HSF2BP: variants seen among roughly 807,000 people sequenced by gnomAD.
The protein encoded by HSF2BP is heat shock factor 2-binding protein.
In HSF2BP, 35 loss-of-function variants were observed where a neutral mutation model predicts 35.0. The observed-to-expected ratio is 1.00, with a 90% CI of 0.76 to 1.32. The LOEUF (loss-of-function observed/expected upper bound fraction) is 1.32. HSF2BP is among the 40% of genes most tolerant of loss of function. The pLI, the probability that HSF2BP is intolerant of heterozygous loss-of-function variation, is 0.00. For synonymous variants in HSF2BP, 114 were observed against 117.4 expected, an observed-to-expected ratio of 0.97 and a Z score of 0.18; for missense variants, 326 against 321.7, an observed-to-expected ratio of 1.01 and a Z score of -0.10.
At chr21:43,645,254 C>T (rs888079734) in intron 3 of HSF2BP, among the ~76,000 whole-genome samples, 1 of 152,140 alleles carries the variant, frequency 6.6e-6, no homozygotes, top group African/African-American at 2.4e-5. Flanking sequence ...ACATCAGAAT[C>T]CCTGGAGGAC....
intron 3 of HSF2BP, 103 bp from the exon 4 acceptor site, chr21:43,644,495 C>G (rs1265191986): frequency 1.2e-6 from 1 of 800,608 alleles, no homozygotes. Flanking sequence ...GTACTGATTT[C>G]TTAGGTGAGA....
At chr21:43,601,597 G>A (rs934211676) in intron 7 of HSF2BP, among the ~76,000 whole-genome samples, 1 of 152,262 alleles carries the variant, frequency 6.6e-6, no homozygotes, top group Admixed American at 6.5e-5. Flanking sequence ...ATGCCTTTCA[G>A]AAGAGCCGAT....
chr21:43,586,343 T>C (rs541646120), intron 8 of HSF2BP, among the ~76,000 whole-genome samples: 4 of 152,328 alleles, frequency 2.6e-5, no homozygotes, highest in South Asian at 2.1e-4. Context: ...GGATGATTAA[T>C]AGCAACTGGT....
the HSF2BP span, among the ~76,000 whole-genome samples, chr21:43,467,472 T>G: frequency 1.8e-5 from 2 of 111,300 alleles, no homozygotes; most frequent in African/African-American, 7.4e-5. Flanking sequence ...TGGCATTTCT[T>G]CTTAGCCAAA....
At chr21:43,650,351 C>A (rs748735843) in intron 3 of HSF2BP, among the ~76,000 whole-genome samples, 13 of 151,932 alleles carry the variant, frequency 8.6e-5, no homozygotes, top group Non-Finnish European at 1.9e-4. Context: ...GGACTACAGG[C>A]GCCCGCCACC....
chr21:43,657,948 T>C, intron 2 of HSF2BP, 113 bp downstream of exon 2: 2 of 1,513,332 alleles, frequency 1.3e-6, no homozygotes, highest in South Asian at 1.2e-5. Flanking sequence ...GTCTCCAGGC[T>C]TCCCCCAAGC....
chr21:43,636,007 C>T (rs1289389703), intron 4 of HSF2BP, among the ~76,000 whole-genome samples: 2 of 144,926 alleles, frequency 1.4e-5, no homozygotes, highest in Non-Finnish European at 3.0e-5. Context: ...ACGGGAGGAT[C>T]GAGACCATCC....
intron 8 of HSF2BP, among the ~76,000 whole-genome samples, chr21:43,591,263 A>C (rs2081922412): frequency 6.6e-6 from 1 of 152,196 alleles, no homozygotes; most frequent in South Asian, 2.1e-4. Context: ...AGAAATTTTA[A>C]AACACACACA....
chr21:43,605,255 CCACATCACACACCACAGATCACACA>C (rs1198221276), intron 7 of HSF2BP, among the ~76,000 whole-genome samples: 1 of 146,924 alleles, frequency 6.8e-6, no homozygotes, highest in Non-Finnish European at 1.5e-5. Flanking sequence ...CACCACGCAC[CCACATCACACACCACAGATCACACA>C]CACATCACAC....
At chr21:43,642,477 C>G (rs2082649763) in intron 4 of HSF2BP, among the ~76,000 whole-genome samples, 1 of 152,124 alleles carries the variant, frequency 6.6e-6, no homozygotes, top group African/African-American at 2.4e-5. Flanking sequence ...AGAGAAATGG[C>G]CTTGTTACAG....
At chr21:43,628,969 C>A (rs1232065716) in intron 6 of HSF2BP, among the ~76,000 whole-genome samples, 1 of 152,188 alleles carries the variant, frequency 6.6e-6, no homozygotes, top group East Asian at 1.9e-4. Context: ...ACTGTTGAGA[C>A]CTACTGCTCA....
intron 5 of HSF2BP, among the ~76,000 whole-genome samples, chr21:43,632,520 G>T (rs1225451538): frequency 6.6e-6 from 1 of 151,126 alleles, no homozygotes; most frequent in Non-Finnish European, 1.5e-5. Flanking sequence ...GAAAACAAGG[G>T]TTTGAACTGC....
At chr21:43,609,621 A>ATAT (rs2082178270) in intron 7 of HSF2BP, among the ~76,000 whole-genome samples, 3 of 152,070 alleles carry the variant, frequency 2.0e-5, no homozygotes, top group Admixed American at 6.5e-5. Flanking sequence ...AGGCTGATTT[A>ATAT]TAGTATGAGA....
chr21:43,467,756 ACCCACACACC>A, the HSF2BP span, among the ~76,000 whole-genome samples: 159 of 71,274 alleles, frequency 2.2e-3, no homozygotes, highest in Middle Eastern at 8.9e-3. Flanking sequence ...CACACCACAC[ACCCACACACC>A]ACACACACCA....
At chr21:43,575,597 C>A (rs564988431) in intron 8 of HSF2BP, among the ~76,000 whole-genome samples, 1 of 152,210 alleles carries the variant, frequency 6.6e-6, no homozygotes, top group African/African-American at 2.4e-5. Context: ...GGAGGAAAGT[C>A]TTTAGCCCAA....
intron 7 of HSF2BP, among the ~76,000 whole-genome samples, chr21:43,598,445 C>T (rs944980006): frequency 4.6e-5 from 7 of 150,554 alleles, no homozygotes; most frequent in African/African-American, 1.7e-4. Flanking sequence ...TGGTCTCAAA[C>T]TCCTGACCTC....
chr21:43,643,370 G>A (rs1040053514), intron 4 of HSF2BP, among the ~76,000 whole-genome samples: 2 of 152,092 alleles, frequency 1.3e-5, no homozygotes, highest in Non-Finnish European at 2.9e-5. Flanking sequence ...CCTAGTGAGA[G>A]GTGTATGGGT....
At position 43,652,420 on chromosome 21, in the gene HSF2BP, A is replaced by C. The variant is rs1220065730; in HGVS notation, c.187+4167T>G. On this transcript the variant is annotated intron_variant, in intron 3 of 8. Transcript: ENST00000291560. ...ACCATCAAAAAAAAAAAAAAAAAAA[A>C]CAACTGGAAGTGCACATTAACCTCT... Among the ~76,000 whole-genome samples, 7 of 140,964 alleles carry C rather than the reference A, an allele frequency of 5.0e-5. No homozygotes were observed. In the East Asian group the frequency reaches 1.5e-3, roughly 31 times the overall value. The allele number at this position is 140,964 out of a possible 152,430, so 92.5% of individuals were successfully genotyped here.
chr21:43,637,405 G>A lies in HSF2BP; in HGVS notation c.292-3984C>T, dbSNP rs568609906. Among the ~76,000 whole-genome samples, 3 of 152,206 alleles carry A rather than the reference G, an allele frequency of 2.0e-5. No individual in the cohort carries two copies. The South Asian group carries it at 6.2e-4, about 32-fold the overall frequency. On this transcript the variant is annotated intron_variant, in intron 4 of 8. Coordinates refer to ENST00000291560, the MANE Select transcript of HSF2BP (RefSeq NM_007031.2). ...AGTGTTTGCCTGGGGCTGTGCAAGA[G>A]AGCAGGGACTAATTGCAACAGATAT...
Sources: allele counts gnomAD v4.1 joint callset (sites outside exome capture counted in the v4.1 genomes callset), GRCh38; gene constraint gnomAD v4.1.1; transcripts MANE v1.5; gene names NCBI Gene and HGNC (gene_info 2026-07-23, HGNC 2026-07-21).